Variants in DNAH8 observed in about 807,000 individuals in gnomAD.
The protein encoded by DNAH8 is axonemal beta dynein heavy chain 8.
DNAH8 carries 382 observed loss-of-function variants against 562.1 expected under a neutral mutation model. That is an observed-to-expected ratio of 0.68 (90% CI 0.63 to 0.74). The LOEUF is 0.74. Ranked by LOEUF, DNAH8 falls within the 30% of genes least tolerant of loss-of-function variation. The pLI is 0.00. For synonymous variants in DNAH8, 1,881 were observed against 1,919.4 expected (o/e 0.98, Z 0.52); for missense variants, 5,203 against 5,620.4 (o/e 0.93, Z 2.37).
At chr6:38,938,692 A>G in intron 78 of DNAH8, 106 bp from the exon 79 acceptor site, 1 of 721,344 alleles carries the variant, frequency 1.4e-6, no homozygotes, top group Non-Finnish European at 2.3e-6. Context: ...AACCACCATG[A>G]CATAGGTTTA....
chr6:38,729,065 T>G (rs550705842), intron 3 of DNAH8, among the ~76,000 whole-genome samples: 1 of 152,110 alleles, frequency 6.6e-6, no homozygotes, highest in South Asian at 2.1e-4. Flanking sequence ...TAGCTGGGCG[T>G]GGTGGCAGAA....
chr6:38,764,783 C>CA (rs1766845669), intron 11 of DNAH8: 1 of 149,930 alleles, frequency 6.7e-6, no homozygotes, highest in Admixed American at 6.8e-5. Context: ...TGCCTGCTGG[C>CA]TATTTGTATG....
At chr6:38,807,434 T>TA (rs749011781) in intron 23 of DNAH8, among the ~76,000 whole-genome samples, 176 bp from the exon 24 acceptor site, 3 of 151,974 alleles carry the variant, frequency 2.0e-5, no homozygotes, top group Non-Finnish European at 2.9e-5. Context: ...CTTATTTGTC[T>TA]AAAAAAAACA....
At chr6:38,811,968 A>G (rs1286383474) in intron 24 of DNAH8, among the ~76,000 whole-genome samples, 1 of 152,158 alleles carries the variant, frequency 6.6e-6, no homozygotes, top group Non-Finnish European at 1.5e-5. Context: ...GTTACTTATC[A>G]GGGAATTTGT....
chr6:38,935,763 C>T, intron 77 of DNAH8, 66 bp downstream of exon 77: 1 of 1,180,020 alleles, frequency 8.5e-7, no homozygotes, highest in Non-Finnish European at 1.2e-6. Context: ...ACACTCTTTT[C>T]AATGCCCTCA....
chr6:39,027,767 G>GGATGTTGCA (rs1767394440), intron 92 of DNAH8, among the ~76,000 whole-genome samples: 1 of 151,998 alleles, frequency 6.6e-6, no homozygotes, highest in East Asian at 1.9e-4. Flanking sequence ...CGGAGGTTGC[G>GGATGTTGCA]GTGAACTGAG....
At chr6:38,734,329 C>CA in intron 4 of DNAH8, 145 bp from the exon 5 acceptor site, 4 of 709,616 alleles carry the variant, frequency 5.6e-6, no homozygotes, top group South Asian at 2.0e-5. Context: ...CTAGTAGACC[C>CA]CCCCCCAAAA....
At chr6:39,020,459 A>C (rs1055706805) in intron 91 of DNAH8, among the ~76,000 whole-genome samples, 5 of 152,192 alleles carry the variant, frequency 3.3e-5, no homozygotes, top group African/African-American at 1.2e-4. Flanking sequence ...CCCCAGAACA[A>C]GTATATCAGA....
Position 38,842,414 on chromosome 6 carries a change from G to A in DNAH8, c.4513G>A (p.Val1505Ile), listed in dbSNP as rs200202666. 284 of 1,612,216 alleles carry A rather than the reference G, an allele frequency of 1.8e-4. No homozygotes were observed. The highest frequency in any genetic ancestry group is 2.2e-4 in the Non-Finnish European group (257 of 1,179,010). ...GAAGCTGTATGGATTGTATGACACC[G>A]TAATGAGCAGTATTAGTGGTTATTA... ...LQKLYGLYDTVMSSISGYYEI... is the reference protein window; with the variant it reads ...LQKLYGLYDTIMSSISGYYEI... The change falls in exon 34 of 93, where the codon GTA (valine) becomes ATA (isoleucine). Residue 1505 changes from valine (V) to isoleucine (I), a missense_variant. By Grantham distance (29) the Val-to-Ile change is conservative. Coordinates refer to ENST00000327475, the MANE Select transcript of DNAH8 (RefSeq NM_001206927.2).
intron 21 of DNAH8, among the ~76,000 whole-genome samples, chr6:38,796,719 A>AG (rs1265777784): frequency 5.9e-5 from 9 of 151,864 alleles, no homozygotes; most frequent in Non-Finnish European, 1.3e-4. Context: ...GTCAATCACA[A>AG]TCCTCTCATG....
intron 13 of DNAH8, among the ~76,000 whole-genome samples, chr6:38,776,189 AGCCCAAAGGGC>A (rs1335169297): frequency 6.6e-6 from 1 of 151,866 alleles, no homozygotes; most frequent in Non-Finnish European, 1.5e-5. Flanking sequence ...AGTAACTAGA[AGCCCAAAGGGC>A]TTTTATAGCT....
rs1305793855 is a variant in DNAH8 at position 38,874,164 on chromosome 6, TTCTC to T, written c.7620+792_7620+795del. Among the ~76,000 whole-genome samples, 23 of 113,668 alleles carry T rather than the reference TTCTC, an allele frequency of 2.0e-4. 2 individuals are homozygous for T. Among genetic ancestry groups the T allele is most frequent in the Non-Finnish European group, 4.1e-4 (22 of 53,458 alleles). 74.6% of individuals were successfully genotyped at this position (113,668 alleles called of 152,430 possible). A position where few individuals can be genotyped will look rare whatever the true frequency, so the allele number is the denominator to read the frequency against. Reference sequence around the variant, plus strand: ...CTCTTTCTCCTTCCTTCCTTCCTCCTTCTCTCTTTCTTTCTTTCTCTCTCTCTTT... The same window carrying T: ...CTCTTTCTCCTTCCTTCCTTCCTCCTTCTTTCTTTCTTTCTCTCTCTCTTT... On this transcript the variant is annotated intron_variant, in intron 52 of 92. Transcript: ENST00000327475.
At chr6:38,880,456 A>G (rs1202254837) in intron 53 of DNAH8, among the ~76,000 whole-genome samples, 1 of 152,138 alleles carries the variant, frequency 6.6e-6, no homozygotes, top group Non-Finnish European at 1.5e-5. Context: ...GATGGGGGGA[A>G]AAATCTCTTT....
intron 35 of DNAH8, among the ~76,000 whole-genome samples, chr6:38,844,887 A>G (rs1473344803): frequency 6.6e-6 from 1 of 152,012 alleles, no homozygotes; most frequent in Non-Finnish European, 1.5e-5. Flanking sequence ...CTCAGAAATC[A>G]CCATGGTTCA....
At chr6:38,868,273 C>G in intron 48 of DNAH8, 77 bp downstream of exon 48, 1 of 1,404,098 alleles carries the variant, frequency 7.1e-7, no homozygotes, top group Non-Finnish European at 9.7e-7. Flanking sequence ...TAGAGGTAGG[C>G]TGATGTTGAG....
In DNAH8 at chr6:38,893,563, ATATAAC is replaced by A. The variant is rs555841549; in HGVS notation, c.8584-1133_8584-1128del. On this transcript the variant is annotated intron_variant, in intron 58 of 92. Transcript: ENST00000327475. ...CTTTGAGTATTTTTACATACTTGTA[ATATAAC>A]TATATGTTTTACATTTTAGTGGGTA... Among the ~76,000 whole-genome samples the A allele has an allele frequency of 2.0e-3, 302 of 152,356 alleles. 2 individuals are homozygous for A. The Middle Eastern group carries it at 0.02, about 10-fold the overall frequency.
At chr6:38,768,533 G>A (rs1302592444) in intron 11 of DNAH8, among the ~76,000 whole-genome samples, 1 of 151,766 alleles carries the variant, frequency 6.6e-6, no homozygotes. Flanking sequence ...CCAAAGTGCT[G>A]GGATTACAGG....
chr6:38,972,959 T>G (rs1763441714), intron 83 of DNAH8, among the ~76,000 whole-genome samples: 1 of 152,244 alleles, frequency 6.6e-6, no homozygotes, highest in South Asian at 2.1e-4. Flanking sequence ...CCTTGCCATA[T>G]ATTTATCATG....
chr6:38,938,645 G>A (rs986308319), intron 78 of DNAH8, among the ~76,000 whole-genome samples, 153 bp from the exon 79 acceptor site: 2 of 152,120 alleles, frequency 1.3e-5, no homozygotes, highest in African/African-American at 4.8e-5. Flanking sequence ...ATGGGTACTA[G>A]GCTTAATACC....
Sources: allele counts gnomAD v4.1 joint callset (sites outside exome capture counted in the v4.1 genomes callset), GRCh38; gene constraint gnomAD v4.1.1; transcripts MANE v1.5; gene names NCBI Gene and HGNC (gene_info 2026-07-23, HGNC 2026-07-21).